The following NHLRC3 variants were observed in gnomAD, a reference collection of about 807,000 sequenced individuals.
NHLRC3 encodes NHL repeat-containing protein 3.
A neutral mutation model predicts 32.0 loss-of-function variants in NHLRC3; 23 were observed. The ratio of observed to expected loss-of-function variants is 0.72; its 90% CI spans 0.52 to 1.02. NHLRC3 has a LOEUF of 1.02. NHLRC3 is among the 50% of genes least tolerant of loss of function. The pLI is 0.00. For missense variants in NHLRC3, 407 were observed against 406.8 expected (o/e 1.00, Z -0.01); for synonymous variants, 159 against 147.9 (o/e 1.08, Z -0.55).
intron 5 of NHLRC3, among the ~76,000 whole-genome samples, chr13:39,046,174 C>T (rs950795233): frequency 2.0e-5 from 3 of 151,998 alleles, no homozygotes; most frequent in Admixed American, 6.6e-5. Context: ...AAAAATTAGC[C>T]GGGCGTGGTG....
rs760900874 is a variant in NHLRC3 at position 39,047,917 on chromosome 13, T to G, written c.1035T>G (p.Phe345Leu). ...YVPLNSYVPS[F>L]GS ...CTTTGAATAGCTATGTTCCTTCATT[T>G]GGTTCATAATGTTTCTTTCCTGGGA... The change falls in exon 7 of 7, where the codon TTT becomes TTG. Residue 345 changes from phenylalanine (F) to leucine (L), a missense_variant. By Grantham distance (22) the Phe-to-Leu change is conservative. Coordinates refer to ENST00000379600, the MANE Select transcript of NHLRC3 (RefSeq NM_001012754.4). 33 of 1,595,694 alleles carry G rather than the reference T, an allele frequency of 2.1e-5. No homozygotes were observed. The South Asian group carries it at 3.6e-4, about 17-fold the overall frequency.
At chr13:39,047,375 A>G (rs1871722349) in intron 6 of NHLRC3, among the ~76,000 whole-genome samples, 2 of 152,188 alleles carry the variant, frequency 1.3e-5, no homozygotes. Context: ...TATTTGGTAA[A>G]TGTTTAAACA....
intron 3 of NHLRC3, 114 bp downstream of exon 3, chr13:39,039,825 G>T: frequency 1.4e-6 from 1 of 725,612 alleles, no homozygotes; most frequent in Non-Finnish European, 2.2e-6. Context: ...TTTCTTTAAC[G>T]ATTCATGAAA....
chr13:39,039,233 G>A lies in NHLRC3; in HGVS notation c.182G>A (p.Gly61Glu). The change falls in exon 2 of 7, where the codon GGA becomes GAA. Residue 61 changes from glycine (G) to glutamate (E), a missense_variant. Gly to Glu is a moderately conservative substitution (Grantham distance 98). Transcript: ENST00000379600. ...GWPKHPEYFT[G>E]TTFCVAVDSL... The stretch of plus-strand genomic sequence containing the variant: ...CCTAAGCACCCAGAATATTTTACCG[G>A]AACAACATTTTGTGTTGCAGTTGAC... The A allele has an allele frequency of 6.2e-7, 1 of 1,614,014 alleles. No individual in the cohort carries two copies. The highest frequency in any genetic ancestry group is 8.5e-7 in the Non-Finnish European group (1 of 1,179,914).
At chr13:39,038,857 A>G (rs1381745374) in intron 1 of NHLRC3, 134 bp downstream of exon 1, 4 of 804,786 alleles carry the variant, frequency 5.0e-6, no homozygotes, top group Non-Finnish European at 2.2e-6. Flanking sequence ...ACCTGGGTCC[A>G]AACTGCCTTG....
Position 39,042,229 on chromosome 13 carries a change from T to C in NHLRC3, c.510T>C (p.Tyr170=), listed in dbSNP as rs1871493556. 6.2e-7 allele frequency: 1 copy of C among 1,611,540 alleles called. No homozygotes were observed. The highest frequency in any genetic ancestry group is 1.1e-5 in the South Asian group (1 of 91,038). Residue 170 remains tyrosine (Y), a synonymous_variant, in exon 4 of 7, where the codon TAT becomes TAC. Transcript: ENST00000379600. ...PLQFDNPAEL[Y]VEDTGDIYIV... The stretch of plus-strand genomic sequence containing the variant: ...AGTTTGATAACCCAGCAGAATTATA[T>C]GTAGAGGACACAGGAGATATTTACA...
At position 39,044,124 on chromosome 13, in the gene NHLRC3, G is replaced by A. The variant is rs150276696; in HGVS notation, c.621G>A (p.Gly207=). The part of the protein sequence containing the change: ...FMILWLHGEN[G]TGPAKFNIPH... Reference sequence around the variant, plus strand: ...TCCTTTGGCTGCATGGAGAAAATGGGACAGGGCCTGCTAAGTTCAACATAC... The same window carrying A: ...TCCTTTGGCTGCATGGAGAAAATGGAACAGGGCCTGCTAAGTTCAACATAC... The change falls in exon 5 of 7, where the codon GGG becomes GGA. Residue 207 remains glycine (G), a synonymous_variant. Transcript: ENST00000379600. The A allele has an allele frequency of 5.8e-4, 941 of 1,613,910 alleles. 1 individual carries two copies. The highest frequency in any genetic ancestry group is 7.5e-4 in the Non-Finnish European group (885 of 1,179,796).
At position 39,047,599 on chromosome 13, in the gene NHLRC3, G is replaced by T. The variant is rs544592661; in HGVS notation, c.792-75G>T. On this transcript the variant is annotated intron_variant, in intron 6 of 6. Transcript: ENST00000379600. ...GCCTACTGTTGTTTGGCACAGTAGGGGATTAAAATGTTGAAAAAAAATACC... is the reference window on the plus strand; with the variant it reads ...GCCTACTGTTGTTTGGCACAGTAGGTGATTAAAATGTTGAAAAAAAATACC... 12 of 1,224,090 alleles carry T rather than the reference G, an allele frequency of 9.8e-6. No individual in the cohort carries two copies. The African/African-American group carries it at 1.8e-4, about 18-fold the overall frequency. The allele number at this position is 1,224,090 out of a possible 1,614,324, so 75.8% of individuals were successfully genotyped here. A position where few individuals can be genotyped will look rare whatever the true frequency, so the allele number is the denominator to read the frequency against.
intron 3 of NHLRC3, chr13:39,040,788 C>G (rs1362803307): frequency 1.3e-5 from 2 of 152,148 alleles, no homozygotes; most frequent in Non-Finnish European, 2.9e-5. Flanking sequence ...AATGAGTTCT[C>G]AGTTTCTGTA....
intron 3 of NHLRC3, 35 bp downstream of exon 3, chr13:39,039,746 G>T: frequency 6.7e-7 from 1 of 1,484,082 alleles, no homozygotes; most frequent in Non-Finnish European, 9.3e-7. Context: ...TTATCTTACT[G>T]GAAATCACAT....
chr13:39,039,314 T>A (rs768076533), intron 2 of NHLRC3, 26 bp downstream of exon 2: 6 of 1,579,812 alleles, frequency 3.8e-6, no homozygotes, highest in African/African-American at 2.7e-5. Context: ...TTTAAAAAAA[T>A]TATGAACACA....
chr13:39,041,056 C>G (rs891190435), intron 3 of NHLRC3: 3 of 152,120 alleles, frequency 2.0e-5, no homozygotes, highest in African/African-American at 7.2e-5. Context: ...TTCCTTGATT[C>G]CCAGAAATAA....
At position 39,039,640 on chromosome 13, in the gene NHLRC3, A is replaced by T. The variant is rs1459195324; in HGVS notation, c.314A>T (p.Asp105Val). 6.2e-7 allele frequency: 1 copy of T among 1,612,162 alleles called. No individual in the cohort carries two copies. The highest frequency in any genetic ancestry group is 2.2e-5 in the East Asian group (1 of 44,844). Reference sequence around the variant, plus strand: ...CTACGAGCCTGGAATTATACAGTTGACACACCTCATGGTATATTTGCAGCC... The same window carrying T: ...CTACGAGCCTGGAATTATACAGTTGTCACACCTCATGGTATATTTGCAGCC... ...YFLRAWNYTV[D>V]TPHGIFAAST... is the part of the protein sequence containing the mutation. Residue 105 changes from aspartate (D) to valine (V), a missense_variant, in exon 3 of 7, where the codon GAC becomes GTC. Coordinates refer to ENST00000379600, the MANE Select transcript of NHLRC3 (RefSeq NM_001012754.4).
rs1454585865 is a variant in NHLRC3 at position 39,048,962 on chromosome 13, T to C, written c.*1036T>C. ...GATATGTGCCAAATCCTTTGAGCTG[T>C]TAAGATGATAATTTCCTGCTTTCCT... On this transcript the variant is annotated 3_prime_UTR_variant, in exon 7 of 7. Transcript: ENST00000379600. 1 of 152,628 alleles carries C rather than the reference T, an allele frequency of 6.6e-6. No individual in the cohort carries two copies. Among genetic ancestry groups the C allele is most frequent in the Non-Finnish European group, 1.5e-5 (1 of 68,040 alleles). 9.5% of individuals were successfully genotyped at this position (152,628 alleles called of 1,614,324 possible). A position where few individuals can be genotyped will look rare whatever the true frequency, so the allele number is the denominator to read the frequency against.
chr13:39,046,302 G>A lies in NHLRC3; in HGVS notation c.679-738G>A, dbSNP rs1334152714. Among the ~76,000 whole-genome samples the A allele has an allele frequency of 3.3e-5, 5 of 152,194 alleles. No individual in the cohort carries two copies. The East Asian group carries it at 9.6e-4, about 29-fold the overall frequency. ...CCACTGCACTCCAGCCTGGGTGACA[G>A]AGCGAGACTCCATCTCAAAAAATAA... On this transcript the variant is annotated intron_variant, in intron 5 of 6. Transcript: ENST00000379600.
At chr13:39,047,600 G>C in intron 6 of NHLRC3, 74 bp from the exon 7 acceptor site, 1 of 1,248,484 alleles carries the variant, frequency 8.0e-7, no homozygotes, top group South Asian at 1.4e-5. Context: ...CACAGTAGGG[G>C]ATTAAAATGT....
upstream of NHLRC3, chr13:39,038,410 A>AC (rs1475231715): frequency 1.4e-5 from 8 of 568,384 alleles, no homozygotes; most frequent in Admixed American, 2.5e-4. Flanking sequence ...GAGGGCGGGG[A>AC]CCCCGAAATG....
chr13:39,046,186 C>A (rs536970851), intron 5 of NHLRC3, among the ~76,000 whole-genome samples: 1 of 152,050 alleles, frequency 6.6e-6, no homozygotes, highest in African/African-American at 2.4e-5. Flanking sequence ...GGCGTGGTGG[C>A]GGGCGCCTGT....
intron 1 of NHLRC3, 58 bp from the exon 2 acceptor site, chr13:39,039,078 C>CTTTTTT: frequency 1.9e-6 from 2 of 1,038,068 alleles, no homozygotes; most frequent in Admixed American, 2.2e-5. Context: ...CCCCCCCGCC[C>CTTTTTT]TTTTTTTGTT....
Sources: gnomAD v4.1 joint callset for allele counts (sites outside exome capture counted in the v4.1 genomes callset) on GRCh38, gnomAD v4.1.1 for gene constraint, MANE v1.5 for transcripts, NCBI Gene and HGNC (gene_info 2026-07-23, HGNC 2026-07-21) for gene names.